The following EPHB2 variants were observed in gnomAD, a reference collection of about 807,000 sequenced individuals.
EPHB2 encodes EPH receptor B2.
In EPHB2, 18 loss-of-function variants were observed where a neutral mutation model predicts 96.4. The observed-to-expected ratio is 0.19, with a 90% CI of 0.13 to 0.28. EPHB2 has a LOEUF of 0.28. Among genes scored for constraint, EPHB2 ranks in the 10% least tolerant of loss-of-function variants. EPHB2 has a pLI of 1.00. For missense variants in EPHB2, 989 were observed against 1,355.4 expected (o/e 0.73, Z 4.25); for synonymous variants, 506 against 534.1 (o/e 0.95, Z 0.72).
chr1:22,814,309 C>T (rs934074261), intron 3 of EPHB2, among the ~76,000 whole-genome samples: 1 of 152,168 alleles, frequency 6.6e-6, no homozygotes, highest in Non-Finnish European at 1.5e-5. Context: ...TCCAGGTGCT[C>T]AAGCTTATCT....
chr1:22,862,945 G>C (rs1273843409), intron 3 of EPHB2, 92 bp from the exon 4 acceptor site: 1 of 1,535,204 alleles, frequency 6.5e-7, no homozygotes, highest in Non-Finnish European at 9.0e-7. Context: ...CCCTCCGCGA[G>C]GCTGTGTGGC....
At chr1:22,754,815 G>T (rs1346252827) in intron 1 of EPHB2, among the ~76,000 whole-genome samples, 11 of 80,100 alleles carry the variant, frequency 1.4e-4, no homozygotes, top group Middle Eastern at 5.3e-3. Flanking sequence ...GAGAGGCAGG[G>T]GAAGGGAGGT....
chr1:22,812,354 G>A (rs1291032640), intron 3 of EPHB2, among the ~76,000 whole-genome samples: 1 of 152,248 alleles, frequency 6.6e-6, no homozygotes, highest in African/African-American at 2.4e-5. Context: ...TCCACTCGGA[G>A]TGGGCAGCAA....
In EPHB2 at chr1:22,906,417, C is replaced by T. The variant is rs1639916458; in HGVS notation, c.1889-293C>T. Among the ~76,000 whole-genome samples, 1 of 152,148 alleles carries T rather than the reference C, an allele frequency of 6.6e-6. No homozygotes were observed. On this transcript the variant is annotated intron_variant, in intron 10 of 15. Transcript: ENST00000374630. The surrounding 1 kb of genome is among the most constrained non-coding windows in gnomAD (Gnocchi z 4.8). ...GTCCAGTGCTTTTCCTTCCTCCCCCCATGTATCCCAGTGCCTTTTCCCATC... is the reference window on the plus strand; with the variant it reads ...GTCCAGTGCTTTTCCTTCCTCCCCCTATGTATCCCAGTGCCTTTTCCCATC...
chr1:22,866,167 C>G (rs575341666), intron 5 of EPHB2, among the ~76,000 whole-genome samples: 4 of 152,174 alleles, frequency 2.6e-5, no homozygotes, highest in Non-Finnish European at 5.9e-5. Context: ...TAGAAGATCT[C>G]ATGGTTGGCA....
intron 3 of EPHB2, among the ~76,000 whole-genome samples, chr1:22,818,991 C>G (rs184917833): frequency 9.9e-5 from 15 of 151,948 alleles, no homozygotes; most frequent in Admixed American, 5.2e-4. Context: ...TAGGCTCCCC[C>G]CTCCCAGGGG....
intron 3 of EPHB2, among the ~76,000 whole-genome samples, chr1:22,819,295 G>A (rs947981835): frequency 5.7e-5 from 8 of 140,776 alleles, no homozygotes; most frequent in South Asian, 2.3e-4. Flanking sequence ...CTCCATCTCC[G>A]GCCACCGCCT....
intron 3 of EPHB2, among the ~76,000 whole-genome samples, chr1:22,848,158 G>C (rs1265383779): frequency 6.6e-6 from 1 of 152,170 alleles, no homozygotes; most frequent in African/African-American, 2.4e-5. Flanking sequence ...CAAATCCTCA[G>C]TGTCCAGGAG....
rs764353400 is a variant in EPHB2, at chr1:22,915,387, C to G, written c.*1817C>G. The G allele has an allele frequency of 1.3e-5, 2 of 152,158 alleles. No individual in the cohort carries two copies. The highest frequency in any genetic ancestry group is 2.9e-5 in the Non-Finnish European group (2 of 68,036). 9.4% of individuals were successfully genotyped at this position (152,158 alleles called of 1,614,324 possible). ...TTGGTACCCTTGGGATGCACGTGAC[C>G]CAGGTGCTAAGGGTTGCTCTTCTAA... On this transcript the variant is annotated 3_prime_UTR_variant, in exon 16 of 16. Transcript: ENST00000374630.
At chr1:22,829,497 G>A (rs1645272625) in intron 3 of EPHB2, among the ~76,000 whole-genome samples, 1 of 152,174 alleles carries the variant, frequency 6.6e-6, no homozygotes, top group Non-Finnish European at 1.5e-5. Flanking sequence ...CCTACAACTG[G>A]CCTTGACCCT....
At chr1:22,713,818 G>A (rs541732395) in intron 1 of EPHB2, among the ~76,000 whole-genome samples, 2 of 152,350 alleles carry the variant, frequency 1.3e-5, no homozygotes, top group South Asian at 4.1e-4. Flanking sequence ...TCGGAATGGG[G>A]GAGAGGAGAG....
At chr1:22,811,968 G>A (rs1041064225) in intron 3 of EPHB2, among the ~76,000 whole-genome samples, 2 of 152,216 alleles carry the variant, frequency 1.3e-5, no homozygotes, top group African/African-American at 4.8e-5. Flanking sequence ...GAGCCTAAGA[G>A]GTCGAGGCTG....
intron 6 of EPHB2, among the ~76,000 whole-genome samples, chr1:22,887,015 C>A (rs377494939): frequency 6.6e-6 from 1 of 151,954 alleles, no homozygotes. Flanking sequence ...GGGGCAGATG[C>A]AGGTTTGTGA....
intron 1 of EPHB2, among the ~76,000 whole-genome samples, chr1:22,781,181 G>A (rs1007135045): frequency 1.3e-5 from 2 of 151,936 alleles, no homozygotes; most frequent in Non-Finnish European, 2.9e-5. Flanking sequence ...TTAGCCGGGC[G>A]TGGTTGGAGG....
At chr1:22,741,217 C>T (rs1238625967) in intron 1 of EPHB2, among the ~76,000 whole-genome samples, 1 of 152,132 alleles carries the variant, frequency 6.6e-6, no homozygotes, top group Non-Finnish European at 1.5e-5. Context: ...CTAATCTTTC[C>T]CAGCGGCAGC....
At chr1:22,808,374 G>C (rs2148458093) in intron 3 of EPHB2, among the ~76,000 whole-genome samples, 1 of 152,320 alleles carries the variant, frequency 6.6e-6, no homozygotes, top group East Asian at 1.9e-4. Flanking sequence ...GGACATATCT[G>C]CTGAGTAAAT....
At chr1:22,839,001 T>C (rs997377725) in intron 3 of EPHB2, among the ~76,000 whole-genome samples, 1 of 151,996 alleles carries the variant, frequency 6.6e-6, no homozygotes, top group Admixed American at 6.6e-5. Context: ...GGTGTGGGGT[T>C]CAGAATCCTA....
At chr1:22,797,322 C>T (rs867438519) in intron 3 of EPHB2, among the ~76,000 whole-genome samples, 7 of 152,162 alleles carry the variant, frequency 4.6e-5, no homozygotes, top group South Asian at 2.1e-4. Flanking sequence ...GAGACATGGA[C>T]GTAATGTCCC....
rs539061261 is a variant in EPHB2 at position 22,877,600 on chromosome 1, G to A, written c.1304-4759G>A. ...GTATGGCTGCTCCAAGACCCTCTGA[G>A]CTCCAGGGCCGTATATAAAGAGTGT... is the stretch of plus-strand genomic sequence containing the variant. On this transcript the variant is annotated intron_variant, in intron 5 of 15. Transcript: ENST00000374630. Among the ~76,000 whole-genome samples, 15 of 152,250 alleles carry A rather than the reference G, an allele frequency of 9.9e-5. No individual in the cohort carries two copies. In the South Asian group the frequency reaches 3.1e-3, roughly 32 times the overall value.
Sources: gnomAD v4.1 joint callset for allele counts (sites outside exome capture counted in the v4.1 genomes callset) on GRCh38, gnomAD v4.1.1 for gene constraint, Gnocchi (gnomAD v3.1) non-coding constraint, MANE v1.5 for transcripts, NCBI Gene and HGNC (gene_info 2026-07-23, HGNC 2026-07-21) for gene names.